PNOC: variants seen among roughly 807,000 people sequenced by gnomAD.
PNOC encodes the protein prepronociceptin, also known as nociceptin.
A neutral mutation model predicts 15.6 loss-of-function variants in PNOC; 10 were observed. That is an observed-to-expected ratio of 0.64 (90% CI 0.40 to 1.09). The LOEUF is 1.09. PNOC is among the 50% of genes least tolerant of loss of function. The pLI, the probability that PNOC is intolerant of heterozygous loss-of-function variation, is 0.01. For missense variants in PNOC, 220 were observed against 223.9 expected, an observed-to-expected ratio of 0.98 and a Z score of 0.11; for synonymous variants, 98 against 88.5, an observed-to-expected ratio of 1.11 and a Z score of -0.60.
chr8:28,338,980 C>A, intron 2 of PNOC, 60 bp from the exon 3 acceptor site: 1 of 1,421,630 alleles, frequency 7.0e-7, no homozygotes, highest in Non-Finnish European at 9.6e-7. Flanking sequence ...TCTCCTCCCT[C>A]GCCCTGGATT....
intron 2 of PNOC, among the ~76,000 whole-genome samples, chr8:28,333,249 C>T (rs1259197843): frequency 6.6e-6 from 1 of 152,204 alleles, no homozygotes. Flanking sequence ...CTGTTTCCCA[C>T]TTTGTACCCT....
At chr8:28,331,529 GCTGCAGAAAACTC>G (rs1342032381) in intron 2 of PNOC, among the ~76,000 whole-genome samples, 1 of 152,056 alleles carries the variant, frequency 6.6e-6, no homozygotes, top group African/African-American at 2.4e-5. Context: ...CTCCTCCCAG[GCTGCAGAAAACTC>G]CTAGAGGAAT....
At chr8:28,342,024 G>A (rs1801527928) in intron 3 of PNOC, among the ~76,000 whole-genome samples, 2 of 152,064 alleles carry the variant, frequency 1.3e-5, no homozygotes, top group African/African-American at 4.8e-5. Flanking sequence ...AAGAAGTGGG[G>A]CCACCTTACA....
chr8:28,329,082 A>G lies in PNOC; in HGVS notation c.-23-53A>G, dbSNP rs373088196. ...TCTCTGGGTTAGGTCTCTGGCCCTG[A>G]GCAGCCCTCCGAGAATGGCTGTACT... On this transcript the variant is annotated intron_variant, in intron 1 of 3. Coordinates refer to ENST00000301908, the MANE Select transcript of PNOC (RefSeq NM_006228.5). 4.1e-5 allele frequency: 64 copies of G among 1,577,156 alleles called. No homozygotes were observed. The East Asian group carries it at 6.7e-4, about 17-fold the overall frequency.
chr8:28,318,122 C>T (rs1801088946), intron 1 of PNOC, among the ~76,000 whole-genome samples: 1 of 152,114 alleles, frequency 6.6e-6, no homozygotes, highest in Non-Finnish European at 1.5e-5. Flanking sequence ...TCCCAACTCT[C>T]GAGGCTCTCT....
upstream of PNOC, chr8:28,317,022 CA>C (rs1346346095): frequency 4.6e-5 from 7 of 152,352 alleles, no homozygotes; most frequent in Non-Finnish European, 8.8e-5. Context: ...ACAGGGAAGG[CA>C]GCTGTGGGAT....
chr8:28,321,406 G>T (rs1428417619), intron 1 of PNOC, among the ~76,000 whole-genome samples: 4 of 151,964 alleles, frequency 2.6e-5, no homozygotes, highest in Non-Finnish European at 5.9e-5. Flanking sequence ...CCAGAACCAG[G>T]AAGATGGGAG....
chr8:28,323,492 A>G (rs1435874491), intron 1 of PNOC, among the ~76,000 whole-genome samples: 1 of 152,226 alleles, frequency 6.6e-6, no homozygotes, highest in African/African-American at 2.4e-5. Context: ...CACAGAAGTG[A>G]AATAATTTGC....
intron 1 of PNOC, among the ~76,000 whole-genome samples, chr8:28,326,272 C>T (rs1403476148): frequency 6.6e-6 from 1 of 151,860 alleles, no homozygotes; most frequent in African/African-American, 2.4e-5. Context: ...GGATTGCTTG[C>T]GCCCAGGAGT....
intron 1 of PNOC, among the ~76,000 whole-genome samples, chr8:28,324,566 A>G (rs2129853923): frequency 6.6e-6 from 1 of 152,350 alleles, no homozygotes; most frequent in Non-Finnish European, 1.5e-5. Context: ...GAAACTTAGT[A>G]GAATGAGAAA....
At chr8:28,329,011 C>T in intron 1 of PNOC, 124 bp from the exon 2 acceptor site, 1 of 954,436 alleles carries the variant, frequency 1.0e-6, no homozygotes, top group Non-Finnish European at 1.6e-6. Context: ...TCACAGGCCC[C>T]TAGTGCCATC....
chr8:28,327,463 T>C (rs891647060), intron 1 of PNOC, among the ~76,000 whole-genome samples: 2 of 152,152 alleles, frequency 1.3e-5, no homozygotes, highest in Admixed American at 1.3e-4. Flanking sequence ...AATGCCAAGG[T>C]GAATAACATG....
At position 28,318,857 on chromosome 8, in the gene PNOC, C is replaced by G. The variant is rs139692467; in HGVS notation, c.-24+1541C>G. 3.5e-3 allele frequency among the ~76,000 whole-genome samples: 530 copies of G among 152,322 alleles called. 2 individuals are homozygous for G. Among genetic ancestry groups the G allele is most frequent in the African/African-American group, 0.011 (465 of 41,580 alleles). On this transcript the variant is annotated intron_variant, in intron 1 of 3. Coordinates refer to ENST00000301908, the MANE Select transcript of PNOC (RefSeq NM_006228.5). ...ATCAGCTGAAGGCTGAGAGTACTTACGGATTTGTAAAATGCAGGCGAGTTT... is the reference window on the plus strand; with the variant it reads ...ATCAGCTGAAGGCTGAGAGTACTTAGGGATTTGTAAAATGCAGGCGAGTTT...
intron 1 of PNOC, among the ~76,000 whole-genome samples, chr8:28,322,686 G>A (rs547201607): frequency 6.6e-6 from 1 of 152,170 alleles, no homozygotes; most frequent in Admixed American, 6.6e-5. Context: ...GCTATGAAAT[G>A]CAAATAGATT....
chr8:28,335,267 T>A (rs1160128120), intron 2 of PNOC, among the ~76,000 whole-genome samples: 3 of 152,292 alleles, frequency 2.0e-5, no homozygotes, highest in East Asian at 1.9e-4. Flanking sequence ...CACACAGAGG[T>A]AGCTGAGTAG....
intron 1 of PNOC, among the ~76,000 whole-genome samples, chr8:28,328,055 CTCTCT>C (rs1393121019): frequency 3.7e-4 from 49 of 130,790 alleles, no homozygotes; most frequent in African/African-American, 1.3e-3. Flanking sequence ...CCATCTCTCT[CTCTCT>C]TTTTTTTTTT....
chr8:28,336,081 C>A (rs1280613214), intron 2 of PNOC, among the ~76,000 whole-genome samples: 1 of 152,158 alleles, frequency 6.6e-6, no homozygotes, highest in African/African-American at 2.4e-5. Context: ...AGCTGCGACC[C>A]CTGTTCTTCC....
At chr8:28,321,682 G>A (rs1190787379) in intron 1 of PNOC, among the ~76,000 whole-genome samples, 1 of 152,174 alleles carries the variant, frequency 6.6e-6, no homozygotes, top group African/African-American at 2.4e-5. Context: ...AAAAGGTCTT[G>A]CTTAAAATCC....
At chr8:28,323,140 C>T (rs1162006440) in intron 1 of PNOC, among the ~76,000 whole-genome samples, 1 of 152,156 alleles carries the variant, frequency 6.6e-6, no homozygotes, top group Admixed American at 6.5e-5. Context: ...AACAGATAAG[C>T]AACTAATTAT....
Sources: allele counts gnomAD v4.1 joint callset (sites outside exome capture counted in the v4.1 genomes callset), GRCh38; gene constraint gnomAD v4.1.1; transcripts MANE v1.5; gene names NCBI Gene and HGNC (gene_info 2026-07-23, HGNC 2026-07-21).